Variants in GRHPR observed in about 807,000 individuals in gnomAD.
GRHPR encodes glyoxylate reductase/hydroxypyruvate reductase.
A neutral mutation model predicts 36.8 loss-of-function variants in GRHPR; 35 were observed. That is an observed-to-expected ratio of 0.95 (90% CI 0.73 to 1.26). The LOEUF is 1.26. GRHPR is among the 50% of genes most tolerant of loss of function. GRHPR has a pLI of 0.00. For missense variants in GRHPR, 380 were observed against 435.0 expected (o/e 0.87, Z 1.12); for synonymous variants, 179 against 181.0 (o/e 0.99, Z 0.09).
At position 37,436,796 on chromosome 9, in the gene GRHPR, A is replaced by C. The variant is rs1430082256; in HGVS notation, c.*14A>C. On this transcript the variant is annotated 3_prime_UTR_variant, in exon 9 of 9. Transcript: ENST00000318158. Reference sequence around the variant, plus strand: ...CTCAAGCTGTAGCCAAACAGTAGAGATGGAGGGCCGGGAAGCAAACCGTGC... The same window carrying C: ...CTCAAGCTGTAGCCAAACAGTAGAGCTGGAGGGCCGGGAAGCAAACCGTGC... The C allele has an allele frequency of 3.7e-6, 6 of 1,613,914 alleles. No homozygotes were observed. The highest frequency in any genetic ancestry group is 5.1e-6 in the Non-Finnish European group (6 of 1,179,888).
downstream of GRHPR, among the ~76,000 whole-genome samples, chr9:37,437,955 G>A (rs1453264121): frequency 6.6e-6 from 1 of 152,204 alleles, no homozygotes; most frequent in African/African-American, 2.4e-5. Flanking sequence ...GCGGGGGAAG[G>A]CAGAAGGGAA....
chr9:37,422,601 A>T (rs1478489041), upstream of GRHPR: 3 of 687,722 alleles, frequency 4.4e-6, no homozygotes, highest in East Asian at 8.3e-5. Flanking sequence ...CTCAGCCGCA[A>T]CCCGGCGCTC....
At chr9:37,439,421 C>T (rs1823810706), downstream of GRHPR, 1 of 152,144 alleles carries the variant, frequency 6.6e-6, no homozygotes, top group Non-Finnish European at 1.5e-5. Flanking sequence ...ATTGGGGGAG[C>T]AACAAATAAT....
intron 8 of GRHPR, 112 bp from the exon 9 acceptor site, chr9:37,436,549 G>A: frequency 8.9e-7 from 1 of 1,128,830 alleles, no homozygotes. Context: ...GGAACCATGA[G>A]GTAGTCTCTC....
At chr9:37,431,266 C>G (rs534600795) in intron 7 of GRHPR, 1 of 336,916 alleles carries the variant, frequency 3.0e-6, no homozygotes, top group East Asian at 7.8e-5. Flanking sequence ...GACTCGTCCA[C>G]CCCAAAGGTA....
rs140612021 is a variant in GRHPR, at chr9:37,428,535, G to A, written c.456G>A (p.Thr152=). 4.5e-5 allele frequency: 73 copies of A among 1,611,778 alleles called. No individual in the cohort carries two copies. Among genetic ancestry groups the A allele is most frequent in the South Asian group, 8.8e-5 (8 of 91,070 alleles). Residue 152 remains threonine, a synonymous_variant, in exon 5 of 9, where the codon ACG becomes ACA. Transcript: ENST00000318158. ...KPLWLCGYGL[T]QSTVGIIGLG... is the part of the protein sequence containing the mutation. ...TCTGGCTGTGTGGCTATGGACTCAC[G>A]CAGAGCACTGTCGGCATCATCGGGC...
intron 7 of GRHPR, chr9:37,431,741 TCA>T (rs1368229527): frequency 1.2e-5 from 5 of 415,476 alleles, no homozygotes; most frequent in African/African-American, 2.0e-5. Flanking sequence ...TCTCCTTATC[TCA>T]CAGAGTAGAT....
chr9:37,430,720 C>A, intron 7 of GRHPR, 74 bp downstream of exon 7: 1 of 1,426,294 alleles, frequency 7.0e-7, no homozygotes, highest in Non-Finnish European at 9.9e-7. Flanking sequence ...AGATTTTCTT[C>A]CCCGTGGGTT....
At chr9:37,425,832 A>G (rs1260745811) in intron 2 of GRHPR, 90 bp from the exon 3 acceptor site, 4 of 824,688 alleles carry the variant, frequency 4.9e-6, no homozygotes, top group Admixed American at 1.8e-5. Flanking sequence ...TAAGAAAACA[A>G]TAATAAGCGG....
intron 1 of GRHPR, 62 bp from the exon 2 acceptor site, chr9:37,424,783 T>A: frequency 6.3e-7 from 1 of 1,584,580 alleles, no homozygotes; most frequent in Non-Finnish European, 8.6e-7. Flanking sequence ...GATTCCCAGC[T>A]GGGAGGGGCG....
chr9:37,430,856 GCTT>G (rs1823330768), intron 7 of GRHPR: 1 of 670,242 alleles, frequency 1.5e-6, no homozygotes, highest in African/African-American at 1.8e-5. Flanking sequence ...TGGCCTGTCT[GCTT>G]CTCAGCAGTG....
downstream of GRHPR, among the ~76,000 whole-genome samples, chr9:37,437,668 C>T (rs1474228761): frequency 7.0e-6 from 1 of 143,518 alleles, no homozygotes; most frequent in Non-Finnish European, 1.5e-5. Context: ...CCCCCAGCCC[C>T]TCCCTGCCCC....
intron 6 of GRHPR, chr9:37,430,049 G>A: frequency 1.6e-6 from 1 of 606,630 alleles, no homozygotes; most frequent in Non-Finnish European, 2.9e-6. Context: ...CAGCAGAGCA[G>A]TCCAGGGCTC....
intron 6 of GRHPR, chr9:37,430,064 C>G: frequency 1.7e-6 from 1 of 589,284 alleles, no homozygotes; most frequent in East Asian, 2.9e-5. Context: ...GGGCTCCCGT[C>G]TTTCAGAGTC....
At position 37,422,762 on chromosome 9, in the gene GRHPR, G is replaced by A. The variant is rs1822892003; in HGVS notation, c.12G>A (p.Val4=). Residue 4 remains valine, a synonymous_variant, in exon 1 of 9, where the codon GTG becomes GTA. Coordinates refer to ENST00000318158, the MANE Select transcript of GRHPR (RefSeq NM_012203.2). ...CGGCTGCACTGCGGATGAGACCGGT[G>A]CGACTCATGAAGGTGTTCGTCACCC... MRP[V]RLMKVFVTRR... is the part of the protein sequence containing the mutation. The A allele has an allele frequency of 1.9e-6, 3 of 1,590,236 alleles. No homozygotes were observed. Among genetic ancestry groups the A allele is most frequent in the Non-Finnish European group, 2.6e-6 (3 of 1,170,044 alleles).
At chr9:37,434,184 A>G in intron 8 of GRHPR, 1 of 399,672 alleles carries the variant, frequency 2.5e-6, no homozygotes. Flanking sequence ...GCCATGTCCT[A>G]CTGCCAGCAG....
chr9:37,435,958 T>TA (rs1344476380), intron 8 of GRHPR, among the ~76,000 whole-genome samples: 3 of 152,116 alleles, frequency 2.0e-5, no homozygotes, highest in Non-Finnish European at 4.4e-5. Context: ...TGGGGGCAAG[T>TA]AAGTTCACTT....
At chr9:37,435,587 T>A (rs1255937003) in intron 8 of GRHPR, among the ~76,000 whole-genome samples, 1 of 152,164 alleles carries the variant, frequency 6.6e-6, no homozygotes, top group Non-Finnish European at 1.5e-5. Flanking sequence ...GAAGAAACTC[T>A]GTGAATTAAG....
At chr9:37,432,404 G>C in intron 8 of GRHPR, 1 of 398,568 alleles carries the variant, frequency 2.5e-6, no homozygotes, top group South Asian at 2.1e-5. Flanking sequence ...AGTGGGCCAG[G>C]CGTGGTGGCT....
Sources: gnomAD v4.1 joint callset for allele counts (sites outside exome capture counted in the v4.1 genomes callset) on GRCh38, gnomAD v4.1.1 for gene constraint, MANE v1.5 for transcripts, NCBI Gene and HGNC (gene_info 2026-07-23, HGNC 2026-07-21) for gene names.